DPP10: variants seen among roughly 807,000 people sequenced by gnomAD.
DPP10 encodes dipeptidyl peptidase like 10.
DPP10 carries 33 observed loss-of-function variants against 120.9 expected under a neutral mutation model. The ratio of observed to expected loss-of-function variants is 0.27; its 90% CI spans 0.21 to 0.37. DPP10 has a LOEUF of 0.37. DPP10 is among the 10% of genes least tolerant of loss of function. The pLI, the probability that DPP10 is intolerant of heterozygous loss-of-function variation, is 1.00. For synonymous variants in DPP10, 337 were observed against 326.1 expected (o/e 1.03, Z -0.36); for missense variants, 816 against 942.8 (o/e 0.87, Z 1.76).
intron 1 of DPP10, among the ~76,000 whole-genome samples, chr2:114,735,355 G>T (rs572951343): frequency 1.3e-5 from 2 of 152,072 alleles, no homozygotes; most frequent in African/African-American, 4.8e-5. Context: ...TTGCAAAAAG[G>T]CAGGCGTGAA....
intron 1 of DPP10, among the ~76,000 whole-genome samples, chr2:114,912,259 G>A (rs191117156): frequency 6.6e-6 from 1 of 152,076 alleles, no homozygotes; most frequent in Admixed American, 6.5e-5. Context: ...CAGGGGAGGA[G>A]TGAGGACAAC....
intron 1 of DPP10, among the ~76,000 whole-genome samples, chr2:114,517,160 A>G (rs1684659335): frequency 6.6e-6 from 1 of 152,194 alleles, no homozygotes; most frequent in Non-Finnish European, 1.5e-5. Flanking sequence ...TAGGGTTTGA[A>G]GAAGCTGACC....
rs550424938 is a variant in DPP10 at position 115,162,436 on chromosome 2, T to A, written c.61-146803T>A. On this transcript the variant is annotated intron_variant, in intron 1 of 25. Transcript: ENST00000410059. ...TCACCGGGTTCGAGCCCCGTCCTCC[T>A]ATAGCCGGGGCGCTCGCTGGCCAAA... is the stretch of plus-strand genomic sequence containing the variant. Among the ~76,000 whole-genome samples the A allele has an allele frequency of 3.4e-4, 52 of 152,250 alleles. No individual in the cohort carries two copies. The South Asian group carries it at 0.01, about 30-fold the overall frequency.
intron 1 of DPP10, among the ~76,000 whole-genome samples, chr2:114,567,504 G>A (rs1479258358): frequency 6.6e-6 from 1 of 152,144 alleles, no homozygotes; most frequent in Non-Finnish European, 1.5e-5. Flanking sequence ...GAAGCAAGGG[G>A]CCATAAGCCA....
chr2:115,607,500 T>C (rs2083776952), intron 5 of DPP10, among the ~76,000 whole-genome samples: 1 of 152,228 alleles, frequency 6.6e-6, no homozygotes, highest in African/African-American at 2.4e-5. Context: ...ATTATGTGGC[T>C]ACTGAAAGCA....
intron 4 of DPP10, among the ~76,000 whole-genome samples, chr2:115,520,538 A>G (rs1230475247): frequency 5.9e-5 from 9 of 151,838 alleles, no homozygotes; most frequent in Non-Finnish European, 7.4e-5. Flanking sequence ...TTGTAAATAG[A>G]GATGTCTTTA....
intron 5 of DPP10, among the ~76,000 whole-genome samples, chr2:115,581,676 A>C (rs970081415): frequency 6.6e-6 from 1 of 152,120 alleles, no homozygotes; most frequent in African/African-American, 2.4e-5. Flanking sequence ...GCAGTACCAA[A>C]GGGTTTTAGG....
chr2:115,494,548 G>T (rs1433655386), intron 3 of DPP10, among the ~76,000 whole-genome samples: 1 of 152,098 alleles, frequency 6.6e-6, no homozygotes, highest in Non-Finnish European at 1.5e-5. Context: ...GGAGCCTACT[G>T]TGTTTTAATT....
At chr2:115,801,169 TC>T (rs1685190696) in intron 19 of DPP10, among the ~76,000 whole-genome samples, 1 of 149,368 alleles carries the variant, frequency 6.7e-6, no homozygotes. Flanking sequence ...TAAGTTGGAT[TC>T]CTAGGTATTT....
chr2:115,060,372 C>T (rs1022939680), intron 1 of DPP10, among the ~76,000 whole-genome samples: 2 of 152,062 alleles, frequency 1.3e-5, no homozygotes, highest in Admixed American at 6.6e-5. Flanking sequence ...GCAGGTGGAT[C>T]ACTTTAGCCC....
At chr2:115,622,829 C>CTTTTTTTTTTTTTTTT (rs765780452) in intron 5 of DPP10, among the ~76,000 whole-genome samples, 73 of 128,248 alleles carry the variant, frequency 5.7e-4, no homozygotes, top group Non-Finnish European at 7.1e-4. Context: ...TTCGTTTATT[C>CTTTTTTTTTTTTTTTT]TTTTTTTTTT....
At chr2:115,333,895 A>G (rs1333352311) in intron 2 of DPP10, among the ~76,000 whole-genome samples, 1 of 151,868 alleles carries the variant, frequency 6.6e-6, no homozygotes, top group Non-Finnish European at 1.5e-5. Flanking sequence ...TCTGACAATT[A>G]TGTGTCTTAG....
At chr2:115,602,272 A>G (rs1362278095) in intron 5 of DPP10, among the ~76,000 whole-genome samples, 3 of 152,174 alleles carry the variant, frequency 2.0e-5, no homozygotes, top group Non-Finnish European at 4.4e-5. Flanking sequence ...GAAGAATCTG[A>G]TTATCTTTAT....
chr2:115,051,448 G>T (rs991938581), intron 1 of DPP10, among the ~76,000 whole-genome samples: 3 of 151,982 alleles, frequency 2.0e-5, no homozygotes, highest in Admixed American at 1.3e-4. Flanking sequence ...TAATAGACTT[G>T]TCCTAAAAGA....
rs562870109 is a variant in DPP10, at chr2:115,020,597, A to G, written c.61-288642A>G. ...TAATACTCCACCGTCAGCACTAGAC[A>G]GGTCATCAAGACAGAAACTCAACAA... On this transcript the variant is annotated intron_variant, in intron 1 of 25. Transcript: ENST00000410059. 9.2e-5 allele frequency among the ~76,000 whole-genome samples: 14 copies of G among 152,284 alleles called. No individual in the cohort carries two copies. In the South Asian group the frequency reaches 2.9e-3, roughly 32 times the overall value.
In DPP10 at chr2:115,362,343, T is replaced by C. The variant is rs1379852099; in HGVS notation, c.271+18431T>C. Among the ~76,000 whole-genome samples the C allele has an allele frequency of 2.0e-5, 3 of 152,208 alleles. No homozygotes were observed. The East Asian group carries it at 5.8e-4, about 29-fold the overall frequency. ...TTTAGTTTATTATATCTAATGTTTA[T>C]AGTTTTCTAACTTAGGTAGATATAT... On this transcript the variant is annotated intron_variant, in intron 3 of 25. Coordinates refer to ENST00000410059, the MANE Select transcript of DPP10 (RefSeq NM_020868.6).
intron 22 of DPP10, 45 bp from the exon 23 acceptor site, chr2:115,836,462 A>G: frequency 6.3e-7 from 1 of 1,585,158 alleles, no homozygotes; most frequent in Non-Finnish European, 8.6e-7. Context: ...TGCCAGTCAA[A>G]TAGTTTTTAG....
At chr2:115,067,185 T>C (rs1458949206) in intron 1 of DPP10, among the ~76,000 whole-genome samples, 1 of 152,154 alleles carries the variant, frequency 6.6e-6, no homozygotes, top group East Asian at 1.9e-4. Flanking sequence ...TTATTTCCTT[T>C]AACATAATGT....
At chr2:115,827,414 G>GTGTATATA (rs1271865370) in intron 21 of DPP10, among the ~76,000 whole-genome samples, 24 of 75,434 alleles carry the variant, frequency 3.2e-4, no homozygotes, top group African/African-American at 4.3e-4. Flanking sequence ...ATGTGTGTGT[G>GTGTATATA]TATATATATA....
Sources: gnomAD v4.1 joint callset for allele counts (sites outside exome capture counted in the v4.1 genomes callset) on GRCh38, gnomAD v4.1.1 for gene constraint, MANE v1.5 for transcripts, NCBI Gene and HGNC (gene_info 2026-07-23, HGNC 2026-07-21) for gene names.